SEMA6D: variants seen among roughly 807,000 people sequenced by gnomAD.
SEMA6D encodes the protein semaphorin-6D.
SEMA6D carries 35 observed loss-of-function variants against 106.6 expected under a neutral mutation model. The ratio of observed to expected loss-of-function variants is 0.33; its 90% CI spans 0.25 to 0.44. SEMA6D has a LOEUF of 0.44. SEMA6D is among the 20% of genes least tolerant of loss of function. The probability of loss-of-function intolerance (pLI) is 1.00; values close to 1 mark genes in which losing one functional copy is unlikely to be tolerated. For synonymous variants in SEMA6D, 499 were observed against 487.7 expected (o/e 1.02, Z -0.31); for missense variants, 1,185 against 1,345.9 (o/e 0.88, Z 1.87).
intron 4 of SEMA6D, among the ~76,000 whole-genome samples, chr15:47,607,115 C>T (rs1338330713): frequency 6.6e-6 from 1 of 150,966 alleles, no homozygotes; most frequent in Non-Finnish European, 1.5e-5. Flanking sequence ...AGATAGATAC[C>T]TTTTGGTGAA....
intron 1 of SEMA6D, among the ~76,000 whole-genome samples, chr15:47,338,504 A>G (rs957679172): frequency 5.3e-5 from 8 of 152,136 alleles, no homozygotes; most frequent in Non-Finnish European, 1.0e-4. Flanking sequence ...TACACCTACT[A>G]TGTACCCACA....
intron 3 of SEMA6D, among the ~76,000 whole-genome samples, chr15:47,492,608 G>A (rs1014572048): frequency 6.6e-6 from 1 of 152,048 alleles, no homozygotes; most frequent in African/African-American, 2.4e-5. Flanking sequence ...TTTCTTTTAA[G>A]CATTTAGAAC....
rs76321036 is a variant in SEMA6D, at chr15:47,526,267, C to T, written c.-87+55722C>T. Among the ~76,000 whole-genome samples, 225 of 152,216 alleles carry T rather than the reference C, an allele frequency of 1.5e-3. 1 individual carries two copies. The highest frequency in any genetic ancestry group is 4.8e-3 in the East Asian group (25 of 5,190). On this transcript the variant is annotated intron_variant, in intron 3 of 19. Coordinates refer to the SEMA6D transcript ENST00000558014. ...GGCCTATTGACCATTTTTCTTAGGG[C>T]TGTTTGCCTTTTATTAAGGAATGTG...
rs11638216 is a variant in SEMA6D, at chr15:47,633,747, A to T, written c.-55+32851A>T. Among the ~76,000 whole-genome samples the T allele has an allele frequency of 2.5e-3, 375 of 152,038 alleles. 5 individuals carry two copies. Among genetic ancestry groups the T allele is most frequent in the Admixed American group, 0.022 (342 of 15,284 alleles). Reference sequence around the variant, plus strand: ...ATGCTCTATTTCTTTTTCTTCTGACATCTGAAGATACAAACGATAACTCTT... The same window carrying T: ...ATGCTCTATTTCTTTTTCTTCTGACTTCTGAAGATACAAACGATAACTCTT... On this transcript the variant is annotated intron_variant, in intron 4 of 19. Coordinates refer to the SEMA6D transcript ENST00000558014.
intron 1 of SEMA6D, chr15:47,730,030 T>C: frequency 1.7e-6 from 1 of 584,476 alleles, no homozygotes; most frequent in South Asian, 2.2e-5. Flanking sequence ...GTGAGATCCC[T>C]TAATGCTATG....
At chr15:47,380,189 C>T (rs189444111) in intron 1 of SEMA6D, among the ~76,000 whole-genome samples, 19 of 152,334 alleles carry the variant, frequency 1.2e-4, no homozygotes, top group Middle Eastern at 6.8e-3. Flanking sequence ...GCACATATCC[C>T]TTAAGCATTT....
intron 3 of SEMA6D, among the ~76,000 whole-genome samples, chr15:47,517,497 C>T (rs2044426795): frequency 1.3e-5 from 2 of 152,074 alleles, no homozygotes; most frequent in Non-Finnish European, 2.9e-5. Flanking sequence ...TTCAAGCTTC[C>T]TTTTTCATTT....
At chr15:47,692,245 G>C (rs2078602711) in intron 4 of SEMA6D, among the ~76,000 whole-genome samples, 1 of 152,098 alleles carries the variant, frequency 6.6e-6, no homozygotes, top group Non-Finnish European at 1.5e-5. Flanking sequence ...AGTCATTGGT[G>C]GTAGAAAGGT....
intron 4 of SEMA6D, among the ~76,000 whole-genome samples, chr15:47,671,164 G>C (rs2078129004): frequency 6.6e-6 from 1 of 152,094 alleles, no homozygotes; most frequent in East Asian, 1.9e-4. Context: ...AGTTAGAAAA[G>C]GAAACTGAGT....
At chr15:47,483,772 C>T (rs2043218423) in intron 3 of SEMA6D, among the ~76,000 whole-genome samples, 1 of 152,076 alleles carries the variant, frequency 6.6e-6, no homozygotes, top group Non-Finnish European at 1.5e-5. Context: ...ATCTTCATGC[C>T]TATCTAAGTA....
At chr15:47,602,740 T>TTCCAG (rs1328595643) in intron 4 of SEMA6D, among the ~76,000 whole-genome samples, 1 of 151,902 alleles carries the variant, frequency 6.6e-6, no homozygotes, top group East Asian at 1.9e-4. Context: ...TTTCATCTTG[T>TTCCAG]TCCAGTTGTA....
chr15:47,581,485 C>T (rs1185311890), intron 3 of SEMA6D: 2 of 398,946 alleles, frequency 5.0e-6, no homozygotes, highest in Non-Finnish European at 9.7e-6. Context: ...ATGGCGTAGC[C>T]AAGGAGGCCT....
intron 18 of SEMA6D, 100 bp from the exon 19 acceptor site, chr15:47,770,397 G>T: frequency 1.0e-6 from 1 of 985,462 alleles, no homozygotes. Context: ...CTAAGCATAT[G>T]AACCATATGA....
rs770578031 is a variant in SEMA6D, at chr15:47,771,824, C to T, written c.*39C>T. The T allele has an allele frequency of 1.3e-5, 21 of 1,556,864 alleles. No homozygotes were observed. Among genetic ancestry groups the T allele is most frequent in the East Asian group, 1.1e-4 (5 of 44,346 alleles). ...TATTCCCATGTGGCTTTATCCTGTCCGTGTTGTTGAGAGGATGATGTTGTA... is the reference window on the plus strand; with the variant it reads ...TATTCCCATGTGGCTTTATCCTGTCTGTGTTGTTGAGAGGATGATGTTGTA... On this transcript the variant is annotated 3_prime_UTR_variant, in exon 19 of 19. Coordinates refer to ENST00000536845, the MANE Select transcript of SEMA6D (RefSeq NM_001358351.3).
At position 47,766,082 on chromosome 15, in the gene SEMA6D, A is replaced by C. The variant is rs142866479; in HGVS notation, c.1569-23A>C. On this transcript the variant is annotated intron_variant, in intron 14 of 18. Transcript: ENST00000536845. The stretch of plus-strand genomic sequence containing the variant: ...CTTTGTTGATGAGAAAATCCAAGTT[A>C]CATTCTGTTTGGTTTTACACAGGTC... 625 of 1,613,288 alleles carry C rather than the reference A, an allele frequency of 3.9e-4. 2 individuals are homozygous for C. The highest frequency in any genetic ancestry group is 2.3e-3 in the Middle Eastern group (14 of 6,052).
At chr15:47,765,712 A>G (rs2082301695) in intron 13 of SEMA6D, 157 bp from the exon 14 acceptor site, 10 of 675,510 alleles carry the variant, frequency 1.5e-5, no homozygotes, top group Middle Eastern at 4.6e-4. Flanking sequence ...GCAGAGAAGT[A>G]GAAGATGAAT....
chr15:47,202,399 T>C (rs182723382), intron 1 of SEMA6D, among the ~76,000 whole-genome samples: 157 of 152,016 alleles, frequency 1.0e-3, no homozygotes, highest in African/African-American at 3.6e-3. Flanking sequence ...GTTTAACTGG[T>C]GTATGGCCTT....
At chr15:47,273,049 C>T (rs1482588150) in intron 1 of SEMA6D, among the ~76,000 whole-genome samples, 1 of 152,146 alleles carries the variant, frequency 6.6e-6, no homozygotes, top group African/African-American at 2.4e-5. Flanking sequence ...CTTCTTTACT[C>T]GCCTGTAAGG....
At chr15:47,376,554 G>A (rs747979588) in intron 1 of SEMA6D, among the ~76,000 whole-genome samples, 5 of 152,154 alleles carry the variant, frequency 3.3e-5, no homozygotes, top group Non-Finnish European at 5.9e-5. Context: ...AATTGCTACT[G>A]TGAGAAAACC....
Sources: gnomAD v4.1 joint callset for allele counts (sites outside exome capture counted in the v4.1 genomes callset) on GRCh38, gnomAD v4.1.1 for gene constraint, MANE v1.5 for transcripts, NCBI Gene and HGNC (gene_info 2026-07-23, HGNC 2026-07-21) for gene names.